Variants in IGSF21 observed in about 807,000 individuals in gnomAD.
IGSF21 encodes the protein immunoglobin superfamily member 21.
Under a neutral mutation model 46.8 loss-of-function variants are expected in IGSF21, and 28 were observed. The ratio of observed to expected loss-of-function variants is 0.60; its 90% confidence interval spans 0.44 to 0.82. The LOEUF is 0.82. IGSF21 is among the 40% of genes least tolerant of loss of function. The probability of loss-of-function intolerance (pLI) is 0.00; values close to 1 mark genes in which losing one functional copy is unlikely to be tolerated. For missense variants in IGSF21, 624 were observed against 665.5 expected, an observed-to-expected ratio of 0.94 and a Z score of 0.69; for synonymous variants, 284 against 273.6, an observed-to-expected ratio of 1.04 and a Z score of -0.38.
intron 4 of IGSF21, among the ~76,000 whole-genome samples, chr1:18,342,015 CTACTGA>C (rs1477960917): frequency 6.7e-6 from 1 of 149,298 alleles, no homozygotes; most frequent in Non-Finnish European, 1.5e-5. Flanking sequence ...TCAGTATGTT[CTACTGA>C]TTTTTATTAA....
At chr1:18,287,227 A>T (rs2085223104) in intron 2 of IGSF21, among the ~76,000 whole-genome samples, 1 of 149,728 alleles carries the variant, frequency 6.7e-6, no homozygotes, top group African/African-American at 2.4e-5. Context: ...AAATAAAAAT[A>T]AAAATAAAAA....
In IGSF21 at chr1:18,337,281, A is replaced by G. The variant is rs1223860068; in HGVS notation, c.424+2271A>G. ...AGGGAGTGTGCTCCTGTGGGCCTCA[A>G]TTTCCCCATCTGTAAAACAGGGATA... On this transcript the variant is annotated intron_variant, in intron 4 of 9. Coordinates refer to ENST00000251296, the MANE Select transcript of IGSF21 (RefSeq NM_032880.5). The surrounding 1 kb of genome is among the most constrained non-coding windows in gnomAD (Gnocchi z 5.7). Among the ~76,000 whole-genome samples the G allele has an allele frequency of 6.6e-6, 1 of 152,170 alleles. No homozygotes were observed. Among genetic ancestry groups the G allele is most frequent in the Admixed American group, 6.5e-5 (1 of 15,288 alleles).
chr1:18,144,838 T>C (rs1460158932), intron 1 of IGSF21, among the ~76,000 whole-genome samples: 1 of 151,954 alleles, frequency 6.6e-6, no homozygotes, highest in African/African-American at 2.4e-5. Flanking sequence ...AGTAAGATGT[T>C]TAACTTCTCC....
chr1:18,329,149 T>A (rs1285281705), intron 3 of IGSF21, among the ~76,000 whole-genome samples: 2 of 150,164 alleles, frequency 1.3e-5, no homozygotes, highest in African/African-American at 5.0e-5. Flanking sequence ...CTGGGGGCAG[T>A]GGGGGAGAGC....
intron 2 of IGSF21, among the ~76,000 whole-genome samples, chr1:18,242,667 C>A (rs1167361717): frequency 6.6e-6 from 1 of 152,204 alleles, no homozygotes; most frequent in East Asian, 1.9e-4. Flanking sequence ...CGTTCCCCTT[C>A]AACCCTCTTT....
At chr1:18,288,781 C>A (rs1464909628) in intron 2 of IGSF21, among the ~76,000 whole-genome samples, 1 of 152,208 alleles carries the variant, frequency 6.6e-6, no homozygotes, top group African/African-American at 2.4e-5. Flanking sequence ...CCACAGACAG[C>A]TGGGACAGTG....
intron 1 of IGSF21, among the ~76,000 whole-genome samples, chr1:18,196,106 G>A (rs1234372493): frequency 6.8e-6 from 1 of 147,640 alleles, no homozygotes. Context: ...TCATCCTGGG[G>A]TATCCCTTCT....
At chr1:18,312,363 G>A (rs2085497857) in intron 3 of IGSF21, among the ~76,000 whole-genome samples, 2 of 152,194 alleles carry the variant, frequency 1.3e-5, no homozygotes, top group African/African-American at 2.4e-5. Context: ...CTCAGTCAAC[G>A]TTAACTGTTG....
Position 18,109,487 on chromosome 1 carries a change from A to C in IGSF21, c.70+1289A>C, listed in dbSNP as rs2086122624. On this transcript the variant is annotated intron_variant, in intron 1 of 9. Transcript: ENST00000251296. This position sits in a 1 kb window ranked among gnomAD's most constrained non-coding sequence, Gnocchi z 4.8. ...TTGTCCCAGCAGGAGGTGCCTACCT[A>C]GGCTCTGAGAGTGCCTGCCAGGAAG... The C allele has an allele frequency of 6.6e-6, 1 of 152,328 alleles. No individual in the cohort carries two copies. Among genetic ancestry groups the C allele is most frequent in the African/African-American group, 2.4e-5 (1 of 41,444 alleles). The allele number at this position is 152,328 out of a possible 1,614,324, so 9.4% of individuals were successfully genotyped here.
At chr1:18,248,377 G>A (rs1260087956) in intron 2 of IGSF21, among the ~76,000 whole-genome samples, 1 of 152,220 alleles carries the variant, frequency 6.6e-6, no homozygotes. Context: ...CCTGTCGGAG[G>A]TTGATTTCTG....
intron 3 of IGSF21, among the ~76,000 whole-genome samples, chr1:18,320,484 C>T (rs74825339): frequency 0.012 from 1,904 of 152,328 alleles, 34 homozygotes; most frequent in African/African-American, 0.044. Flanking sequence ...TTTTTAGCTC[C>T]GCTTTGATGA....
Position 18,168,627 on chromosome 1 carries a change from T to C in IGSF21, c.71-59271T>C, listed in dbSNP as rs185290037. 7.9e-5 allele frequency among the ~76,000 whole-genome samples: 12 copies of C among 152,322 alleles called. No homozygotes were observed. In the East Asian group the frequency reaches 2.1e-3, roughly 27 times the overall value. On this transcript the variant is annotated intron_variant, in intron 1 of 9. Transcript: ENST00000251296. Reference sequence around the variant, plus strand: ...TCTTTCACTCAGCCTTCTCCTTAATTACGCCTTATGTTGCAAGGGGCAGGG... The same window carrying C: ...TCTTTCACTCAGCCTTCTCCTTAATCACGCCTTATGTTGCAAGGGGCAGGG...
At chr1:18,324,420 C>T (rs369678683) in intron 3 of IGSF21, among the ~76,000 whole-genome samples, 4 of 152,192 alleles carry the variant, frequency 2.6e-5, no homozygotes, top group South Asian at 2.1e-4. Context: ...ACAAGATGGC[C>T]GGATCGCCAA....
chr1:18,216,362 G>C lies in IGSF21; in HGVS notation c.71-11536G>C, dbSNP rs2084446429. ...GCTCATAAGGGACTCAGTTGGCCAT[G>C]ACAGTCTGAACTTTATCCTGAATTG... On this transcript the variant is annotated intron_variant, in intron 1 of 9. Transcript: ENST00000251296. Among the ~76,000 whole-genome samples the C allele has an allele frequency of 4.6e-5, 7 of 152,218 alleles. No individual in the cohort carries two copies. In the South Asian group the frequency reaches 1.4e-3, roughly 32 times the overall value.
At chr1:18,279,409 A>G (rs1357748928) in intron 2 of IGSF21, among the ~76,000 whole-genome samples, 1 of 152,202 alleles carries the variant, frequency 6.6e-6, no homozygotes, top group African/African-American at 2.4e-5. Flanking sequence ...GAAGGAAGCA[A>G]TGAGTAGGGC....
chr1:18,370,338 A>T (rs2086212309), intron 6 of IGSF21, among the ~76,000 whole-genome samples: 1 of 152,222 alleles, frequency 6.6e-6, no homozygotes, highest in Non-Finnish European at 1.5e-5. Flanking sequence ...AAGACCCCCA[A>T]GGCGGTTCAA....
chr1:18,195,314 C>T (rs1056860852), intron 1 of IGSF21, among the ~76,000 whole-genome samples: 5 of 152,204 alleles, frequency 3.3e-5, no homozygotes, highest in Non-Finnish European at 7.3e-5. Context: ...GTCATGCCAG[C>T]CTCGGAACAG....
intron 1 of IGSF21, chr1:18,112,761 G>T: frequency 6.6e-6 from 1 of 152,332 alleles, no homozygotes; most frequent in Non-Finnish European, 1.5e-5. Context: ...GTGTTCATCT[G>T]CACAGATGGG....
intron 6 of IGSF21, among the ~76,000 whole-genome samples, chr1:18,369,381 G>T (rs76700630): frequency 0.024 from 3,593 of 152,298 alleles, 147 homozygotes; most frequent in African/African-American, 0.082. Context: ...CTGTGAGGCC[G>T]CTGAGAGTTG....
Sources: gnomAD v4.1 joint callset for allele counts (sites outside exome capture counted in the v4.1 genomes callset) on GRCh38, gnomAD v4.1.1 for gene constraint, Gnocchi (gnomAD v3.1) non-coding constraint, MANE v1.5 for transcripts, NCBI Gene and HGNC (gene_info 2026-07-23, HGNC 2026-07-21) for gene names.